Variants in EPHA4 observed in about 807,000 individuals in gnomAD.
EPHA4 encodes EPH receptor A4, also known as ephrin type-A receptor 4.
A neutral mutation model predicts 108.3 loss-of-function variants in EPHA4; 19 were observed. That is an observed-to-expected ratio of 0.18 (90% CI 0.12 to 0.26). EPHA4 has a LOEUF of 0.26. Ranked by LOEUF, EPHA4 falls within the 10% of genes least tolerant of loss-of-function variation. The pLI is 1.00. For synonymous variants in EPHA4, 449 were observed against 455.5 expected, an observed-to-expected ratio of 0.99 and a Z score of 0.18; for missense variants, 917 against 1,254.0, an observed-to-expected ratio of 0.73 and a Z score of 4.06.
At position 221,420,094 on chromosome 2, in the gene EPHA4, T is replaced by C. The variant is rs1319003380; in HGVS notation, c.*1278A>G. 1.3e-5 allele frequency: 2 copies of C among 152,636 alleles called. No homozygotes were observed. The highest frequency in any genetic ancestry group is 4.8e-5 in the African/African-American group (2 of 41,452). 9.5% of individuals were successfully genotyped at this position (152,636 alleles called of 1,614,324 possible). A position where few individuals can be genotyped will look rare whatever the true frequency, so the allele number is the denominator to read the frequency against. ...AATGTTACTTCCGCAATGCATATCA[T>C]AGGCAGCTCATGGAACTGGCTTTGT... is the stretch of plus-strand genomic sequence containing the variant. On this transcript the variant is annotated 3_prime_UTR_variant, in exon 18 of 18. Transcript: ENST00000281821.
chr2:221,546,047 A>C (rs1693986660), intron 3 of EPHA4, among the ~76,000 whole-genome samples: 1 of 152,194 alleles, frequency 6.6e-6, no homozygotes, highest in Non-Finnish European at 1.5e-5. Flanking sequence ...AACATATTAC[A>C]ATCATTTTTC....
intron 5 of EPHA4, among the ~76,000 whole-genome samples, chr2:221,472,992 G>A (rs1415350618): frequency 6.6e-6 from 1 of 152,106 alleles, no homozygotes; most frequent in South Asian, 2.1e-4. Flanking sequence ...TGACCATTCA[G>A]CCAGATTCCC....
chr2:221,435,161 G>A (rs971110016), intron 13 of EPHA4, among the ~76,000 whole-genome samples: 3 of 152,050 alleles, frequency 2.0e-5, no homozygotes, highest in African/African-American at 4.8e-5. Flanking sequence ...ACAATAAATT[G>A]TACTGGAAAT....
intron 9 of EPHA4, 68 bp from the exon 10 acceptor site, chr2:221,443,674 G>T: frequency 1.7e-6 from 2 of 1,153,092 alleles, no homozygotes; most frequent in Non-Finnish European, 2.6e-6. Flanking sequence ...AAATAGTCTG[G>T]GTCTAAAATT....
chr2:221,464,515 T>C (rs537589409), intron 5 of EPHA4, among the ~76,000 whole-genome samples: 47 of 152,272 alleles, frequency 3.1e-4, no homozygotes, highest in African/African-American at 1.1e-3. Flanking sequence ...GAGAGAAGGA[T>C]TCCTCCTCTC....
At position 221,418,712 on chromosome 2, in the gene EPHA4, T is replaced by C. The variant is rs1027233997; in HGVS notation, c.*2660A>G. The stretch of plus-strand genomic sequence containing the variant: ...TACTTGATTTGGTGCAGCGGGGTAG[T>C]TTCCCACTGCTCTAGAGATCGGCAC... On this transcript the variant is annotated 3_prime_UTR_variant, in exon 18 of 18. Coordinates refer to ENST00000281821, the MANE Select transcript of EPHA4 (RefSeq NM_004438.5). 1.3e-5 allele frequency: 2 copies of C among 152,332 alleles called. No individual in the cohort carries two copies. The highest frequency in any genetic ancestry group is 2.1e-4 in the South Asian group (1 of 4,828). The allele number at this position is 152,332 out of a possible 1,614,324, so 9.4% of individuals were successfully genotyped here.
At chr2:221,531,777 A>G (rs1295993529) in intron 3 of EPHA4, among the ~76,000 whole-genome samples, 1 of 152,108 alleles carries the variant, frequency 6.6e-6, no homozygotes, top group African/African-American at 2.4e-5. Flanking sequence ...GTAAATGTCT[A>G]TTTTATTTTT....
rs76613205 is a variant in EPHA4, at chr2:221,497,026, G to A, written c.979+3991C>T. Among the ~76,000 whole-genome samples, 60 of 151,120 alleles carry A rather than the reference G, an allele frequency of 4.0e-4. 1 individual carries two copies. The East Asian group carries it at 0.012, about 29-fold the overall frequency. ...TCCTACCCCCCCACCAGAAATCCTG[G>A]GGTACAGGGCAGCCATCAAGTAATT... On this transcript the variant is annotated intron_variant, in intron 4 of 17. Transcript: ENST00000281821.
At chr2:221,499,265 A>G (rs1370263886) in intron 4 of EPHA4, among the ~76,000 whole-genome samples, 1 of 149,282 alleles carries the variant, frequency 6.7e-6, no homozygotes, top group Non-Finnish European at 1.5e-5. Context: ...AATATAAAAT[A>G]GAAACTAGGT....
chr2:221,443,125 T>C (rs1690481014), intron 10 of EPHA4, 111 bp from the exon 11 acceptor site: 1 of 1,096,126 alleles, frequency 9.1e-7, no homozygotes, highest in Non-Finnish European at 1.3e-6. Flanking sequence ...TGCTAGTGCT[T>C]TGCATAGATT....
rs1559297332 is a variant in EPHA4, at chr2:221,566,944, G to GGA, written c.159+1773_159+1774insTC. On this transcript the variant is annotated intron_variant, in intron 2 of 17. Coordinates refer to ENST00000281821, the MANE Select transcript of EPHA4 (RefSeq NM_004438.5). ...GGAGAAGGAGAAGGAGAAGGAGAAG[G>GGA]AGAAGGAGAAGGGGAAGAGGAAGAG... 2.6e-4 allele frequency among the ~76,000 whole-genome samples: 2 copies of GGA among 7,690 alleles called. 1 individual carries two copies. The highest frequency in any genetic ancestry group is 3.5e-3 in the Admixed American group (2 of 568). 5.0% of individuals were successfully genotyped at this position (7,690 alleles called of 152,430 possible).
chr2:221,465,392 C>A (rs1402910509), intron 5 of EPHA4, among the ~76,000 whole-genome samples: 4 of 152,078 alleles, frequency 2.6e-5, no homozygotes, highest in African/African-American at 9.7e-5. Context: ...TTCAACAAAT[C>A]CTTTACAGAG....
chr2:221,464,910 T>C (rs1008469126), intron 5 of EPHA4, among the ~76,000 whole-genome samples: 1 of 152,216 alleles, frequency 6.6e-6, no homozygotes, highest in Non-Finnish European at 1.5e-5. Context: ...ATTTTTCTCC[T>C]TATTTGACAC....
intron 11 of EPHA4, among the ~76,000 whole-genome samples, chr2:221,439,857 T>C (rs912384646): frequency 6.6e-6 from 1 of 152,210 alleles, no homozygotes; most frequent in African/African-American, 2.4e-5. Flanking sequence ...GGAGAATTTA[T>C]GGTCCTCCTG....
At chr2:221,504,621 G>A (rs971512151) in intron 3 of EPHA4, among the ~76,000 whole-genome samples, 21 of 151,738 alleles carry the variant, frequency 1.4e-4, no homozygotes, top group African/African-American at 4.8e-4. Flanking sequence ...GTATCTGATT[G>A]TCTTTATAGT....
At chr2:221,497,598 T>C (rs1051661120) in intron 4 of EPHA4, among the ~76,000 whole-genome samples, 34 of 151,104 alleles carry the variant, frequency 2.3e-4, no homozygotes, top group Admixed American at 5.9e-4. Context: ...CAAAAACAGG[T>C]GTGGTGGTGG....
intron 17 of EPHA4, among the ~76,000 whole-genome samples, chr2:221,422,899 T>G (rs1053889780): frequency 2.6e-5 from 4 of 152,226 alleles, no homozygotes; most frequent in African/African-American, 9.6e-5. Context: ...GGCTAAATAA[T>G]GCATGTTTAT....
Position 221,572,301 on chromosome 2 carries a change from G to T in EPHA4, c.-53C>A. 6.7e-7 allele frequency: 1 copy of T among 1,499,932 alleles called. No individual in the cohort carries two copies. Among genetic ancestry groups the T allele is most frequent in the Non-Finnish European group, 9.3e-7 (1 of 1,076,958 alleles). The allele number at this position is 1,499,932 out of a possible 1,614,324, so 92.9% of individuals were successfully genotyped here. A position where few individuals can be genotyped will look rare whatever the true frequency, so the allele number is the denominator to read the frequency against. On this transcript the variant is annotated 5_prime_UTR_variant, in exon 1 of 18. Transcript: ENST00000281821. Reference sequence around the variant, plus strand: ...CCGCTTCTATCCCAGTGGAATAAATGCTTAAGTTAGGAGAGCAGCGGGCTG... The same window carrying T: ...CCGCTTCTATCCCAGTGGAATAAATTCTTAAGTTAGGAGAGCAGCGGGCTG...
chr2:221,522,381 C>T (rs746196851), intron 3 of EPHA4, among the ~76,000 whole-genome samples: 12 of 152,152 alleles, frequency 7.9e-5, no homozygotes, highest in East Asian at 3.9e-4. Context: ...GTGACAAAGA[C>T]GAAGTTAAGC....
Sources: gnomAD v4.1 joint callset for allele counts (sites outside exome capture counted in the v4.1 genomes callset) on GRCh38, gnomAD v4.1.1 for gene constraint, MANE v1.5 for transcripts, NCBI Gene and HGNC (gene_info 2026-07-23, HGNC 2026-07-21) for gene names.